Variants in AGMO observed in about 807,000 individuals in gnomAD.
The protein encoded by AGMO is alkylglycerol monooxygenase, also known as glyceryl-ether monooxygenase.
A neutral mutation model predicts 60.2 loss-of-function variants in AGMO; 75 were observed. The observed-to-expected ratio is 1.25, with a 90% CI of 1.03 to 1.51. AGMO has a LOEUF of 1.51. Ranked by LOEUF, AGMO falls within the 40% of genes most tolerant of loss-of-function variation. AGMO has a pLI of 0.00. For missense variants in AGMO, 763 were observed against 525.5 expected (o/e 1.45, Z -4.42); for synonymous variants, 261 against 177.1 (o/e 1.47, Z -3.76).
At chr7:15,149,775 A>C in the AGMO span, among the ~76,000 whole-genome samples, 1 of 152,092 alleles carries the variant, frequency 6.6e-6, no homozygotes, top group Non-Finnish European at 1.5e-5. Flanking sequence ...CTTTTTGCTT[A>C]GGACTGCTTT....
chr7:15,300,416 A>G (rs556345212), intron 12 of AGMO, among the ~76,000 whole-genome samples: 5 of 152,318 alleles, frequency 3.3e-5, no homozygotes, highest in African/African-American at 1.2e-4. Flanking sequence ...ACGTGATGGG[A>G]TTAAATTATC....
At chr7:15,210,676 T>C (rs978492947) in intron 12 of AGMO, among the ~76,000 whole-genome samples, 1 of 152,130 alleles carries the variant, frequency 6.6e-6, no homozygotes, top group South Asian at 2.1e-4. Flanking sequence ...GAATTGCATT[T>C]AATTTTCTGT....
intron 3 of AGMO, among the ~76,000 whole-genome samples, chr7:15,478,767 A>G (rs950218760): frequency 2.6e-5 from 4 of 152,186 alleles, no homozygotes; most frequent in African/African-American, 9.7e-5. Flanking sequence ...TTCAGGTCAG[A>G]TAAGATCTTA....
At chr7:15,431,812 A>G (rs4323387) in intron 3 of AGMO, among the ~76,000 whole-genome samples, 78,690 of 151,470 alleles carry the variant, frequency 0.52, 20,553 homozygotes, top group Middle Eastern at 0.64. Flanking sequence ...ATCAAGCACT[A>G]TACAGATTGC....
chr7:15,405,783 T>C (rs1487555899), intron 5 of AGMO, among the ~76,000 whole-genome samples: 11 of 152,010 alleles, frequency 7.2e-5, no homozygotes, highest in Non-Finnish European at 1.0e-4. Context: ...GTCATATTCA[T>C]TTATTCAGTC....
chr7:15,388,986 C>G (rs1784033799), intron 8 of AGMO, among the ~76,000 whole-genome samples: 1 of 152,188 alleles, frequency 6.6e-6, no homozygotes, highest in African/African-American at 2.4e-5. Flanking sequence ...CTGTGATTTT[C>G]TGACCACCAT....
chr7:15,384,586 G>C (rs1020807205), intron 10 of AGMO, among the ~76,000 whole-genome samples: 3 of 151,992 alleles, frequency 2.0e-5, no homozygotes, highest in Non-Finnish European at 4.4e-5. Context: ...CTATTATTCA[G>C]AGTTACCATG....
intron 12 of AGMO, among the ~76,000 whole-genome samples, chr7:15,279,506 A>G (rs1783901865): frequency 6.6e-6 from 1 of 152,122 alleles, no homozygotes; most frequent in African/African-American, 2.4e-5. Flanking sequence ...TTTTCAAAAC[A>G]TGAAACTGAT....
intron 3 of AGMO, among the ~76,000 whole-genome samples, chr7:15,500,628 A>G (rs1255867086): frequency 6.6e-6 from 1 of 151,930 alleles, no homozygotes; most frequent in East Asian, 1.9e-4. Flanking sequence ...TTAAAGGAAG[A>G]AAAGAACCAA....
chr7:15,147,959 G>A, the AGMO span, among the ~76,000 whole-genome samples: 2 of 152,122 alleles, frequency 1.3e-5, no homozygotes, highest in African/African-American at 4.8e-5. Context: ...TCAAATTCAG[G>A]TGTCAATTTT....
intron 12 of AGMO, among the ~76,000 whole-genome samples, chr7:15,210,690 A>C (rs1748146362): frequency 6.6e-6 from 1 of 152,080 alleles, no homozygotes; most frequent in African/African-American, 2.4e-5. Context: ...TTTCTGTCTT[A>C]AGATTCTTAT....
chr7:15,322,979 G>T (rs61353198), intron 12 of AGMO, among the ~76,000 whole-genome samples: 53,089 of 142,172 alleles, frequency 0.37, 10,481 homozygotes, highest in East Asian at 0.5. Flanking sequence ...ATATATATAT[G>T]TATTTATTTT....
At chr7:15,236,778 A>G (rs1407147155) in intron 12 of AGMO, among the ~76,000 whole-genome samples, 1 of 152,080 alleles carries the variant, frequency 6.6e-6, no homozygotes, top group African/African-American at 2.4e-5. Flanking sequence ...AGAACAAAAA[A>G]AAATGGAGTC....
In AGMO at chr7:15,322,649, A is replaced by T. The variant is rs866167624; in HGVS notation, c.1263+42865T>A. Among the ~76,000 whole-genome samples, 164 of 47,442 alleles carry T rather than the reference A, an allele frequency of 3.5e-3. 10 individuals are homozygous for T. Among genetic ancestry groups the T allele is most frequent in the Non-Finnish European group, 3.9e-3 (113 of 29,204 alleles). The allele number at this position is 47,442 out of a possible 152,430, so 31.1% of individuals were successfully genotyped here. ...ATATATAAATATATATAAATATATA[A>T]ATATATATATAAATATATATAAATA... On this transcript the variant is annotated intron_variant, in intron 12 of 12. Transcript: ENST00000342526.
At chr7:15,163,140 C>G in the AGMO span, among the ~76,000 whole-genome samples, 1 of 151,994 alleles carries the variant, frequency 6.6e-6, no homozygotes, top group Non-Finnish European at 1.5e-5. Flanking sequence ...TATTGGTGTA[C>G]AGAAATGCTA....
rs948216998 is a variant in AGMO at position 15,312,723 on chromosome 7, C to T, written c.1263+52791G>A. 4.2e-4 allele frequency among the ~76,000 whole-genome samples: 63 copies of T among 151,778 alleles called. 1 individual carries two copies. Among genetic ancestry groups the T allele is most frequent in the African/African-American group, 1.1e-3 (44 of 41,312 alleles). On this transcript the variant is annotated intron_variant, in intron 12 of 12. Transcript: ENST00000342526. ...CCCGAGACAGAGTCTTGCTCTGTCG[C>T]CCAGGCTGGAGTGCACTGGCAATGA...
At chr7:15,326,734 C>T (rs1459650793) in intron 12 of AGMO, among the ~76,000 whole-genome samples, 1 of 152,116 alleles carries the variant, frequency 6.6e-6, no homozygotes, top group Admixed American at 6.5e-5. Context: ...ATACAAATGG[C>T]TAACTTGGTA....
rs762137563 is a variant in AGMO at position 15,418,623 on chromosome 7, G to T, written c.544C>A (p.Pro182Thr). 4 of 1,575,760 alleles carry T rather than the reference G, an allele frequency of 2.5e-6. No homozygotes were observed. Among genetic ancestry groups the T allele is most frequent in the Non-Finnish European group, 2.6e-6 (3 of 1,166,700 alleles). ...IFYSPLALFI[P>T]PSVYAVHLQF... Reference sequence around the variant, plus strand: ...AGATGAACAGCATATACTGAAGGGGGTATGAAGAGGGCCAGGGGAGAGTAG... The same window carrying T: ...AGATGAACAGCATATACTGAAGGGGTTATGAAGAGGGCCAGGGGAGAGTAG... The change falls in exon 5 of 13, where the codon CCC (proline) becomes ACC (threonine). Residue 182 changes from proline to threonine, a missense_variant. Transcript: ENST00000342526.
chr7:15,154,012 C>A, the AGMO span, among the ~76,000 whole-genome samples: 2 of 152,138 alleles, frequency 1.3e-5, no homozygotes, highest in South Asian at 4.1e-4. Context: ...CAACATAGAA[C>A]CAGAAGTCCT....
Sources: gnomAD v4.1 joint callset for allele counts (sites outside exome capture counted in the v4.1 genomes callset) on GRCh38, gnomAD v4.1.1 for gene constraint, MANE v1.5 for transcripts, NCBI Gene and HGNC (gene_info 2026-07-23, HGNC 2026-07-21) for gene names.